TNR: variants seen among roughly 807,000 people sequenced by gnomAD.
TNR encodes tenascin-R.
Under a neutral mutation model 150.4 loss-of-function variants are expected in TNR, and 45 were observed. That is an observed-to-expected ratio of 0.30 (90% CI 0.24 to 0.38). The LOEUF (loss-of-function observed/expected upper bound fraction) is 0.38. Among genes scored for constraint, TNR ranks in the 10% least tolerant of loss-of-function variants. TNR has a pLI of 1.00. For missense variants in TNR, 1,544 were observed against 1,759.1 expected (o/e 0.88, Z 2.19); for synonymous variants, 687 against 678.4 (o/e 1.01, Z -0.20).
At chr1:175,600,111 T>C (rs1663178585) in intron 1 of TNR, among the ~76,000 whole-genome samples, 1 of 152,180 alleles carries the variant, frequency 6.6e-6, no homozygotes, top group Non-Finnish European at 1.5e-5. Context: ...GTTTTACCAC[T>C]TGTATTAGCT....
intron 1 of TNR, among the ~76,000 whole-genome samples, chr1:175,594,263 C>A (rs1450426215): frequency 6.6e-6 from 1 of 151,802 alleles, no homozygotes; most frequent in East Asian, 1.9e-4. Context: ...TTCTCTGAAT[C>A]TGTATATCAG....
intron 2 of TNR, among the ~76,000 whole-genome samples, chr1:175,435,868 A>G (rs1655486348): frequency 6.6e-6 from 1 of 152,144 alleles, no homozygotes; most frequent in Admixed American, 6.5e-5. Flanking sequence ...GCTTGTCTGT[A>G]AAGGATTTTA....
chr1:175,668,114 T>G (rs1296055665), intron 1 of TNR, among the ~76,000 whole-genome samples: 1 of 151,650 alleles, frequency 6.6e-6, no homozygotes, highest in Non-Finnish European at 1.5e-5. Flanking sequence ...ATACATACCT[T>G]TTGATGAGCT....
chr1:175,525,105 A>C (rs1659799657), intron 2 of TNR, among the ~76,000 whole-genome samples: 1 of 152,156 alleles, frequency 6.6e-6, no homozygotes, highest in Non-Finnish European at 1.5e-5. Flanking sequence ...TGCTATTCTC[A>C]TGATGGTGGG....
rs764259621 is a variant in TNR at position 175,365,898 on chromosome 1, T to C, written c.2294A>G (p.Glu765Gly). 1.2e-6 allele frequency: 2 copies of C among 1,614,078 alleles called. No individual in the cohort carries two copies. Among genetic ancestry groups the C allele is most frequent in the South Asian group, 2.2e-5 (2 of 91,056 alleles). Reference sequence around the variant, plus strand: ...ACCTGTGAAAGCATCCACAGTGGACTCCAAGCTCTGCTGCCGACCCCTCTC... The same window carrying C: ...ACCTGTGAAAGCATCCACAGTGGACCCCAAGCTCTGCTGCCGACCCCTCTC... The part of the protein sequence containing the change: ...TAERGRQQSL[E>G]STVDAFTGFR... The change falls in exon 11 of 23, where the codon GAG becomes GGG. Residue 765 changes from glutamate (E) to glycine (G), a missense_variant. This residue lies in a region of TNR where 1,254 missense variants were observed against 1,329.4 expected (regional missense o/e 0.94). Transcript: ENST00000367674.
intron 1 of TNR, among the ~76,000 whole-genome samples, chr1:175,654,721 T>C (rs1665118383): frequency 3.8e-5 from 1 of 26,438 alleles, no homozygotes; most frequent in African/African-American, 1.4e-4. Flanking sequence ...GTTCCCTTCT[T>C]TTTTTTTTTT....
intron 2 of TNR, among the ~76,000 whole-genome samples, chr1:175,431,911 A>ATCTCTC (rs545138749): frequency 1.5e-5 from 2 of 136,374 alleles, no homozygotes; most frequent in South Asian, 2.4e-4. Context: ...GGACCATAAT[A>ATCTCTC]TCTCTCTCTC....
In TNR at chr1:175,667,556, T is replaced by C. The variant is rs533026354; in HGVS notation, c.-165+75670A>G. 5.3e-5 allele frequency among the ~76,000 whole-genome samples: 8 copies of C among 152,298 alleles called. No individual in the cohort carries two copies. In the East Asian group the frequency reaches 5.8e-4, roughly 11 times the overall value. ...CTTCTTTGAGGAATTTCCAGTCTGA[T>C]TGGGGAGGCATACAAGTAAACAGGG... is the stretch of plus-strand genomic sequence containing the variant. On this transcript the variant is annotated intron_variant, in intron 1 of 22. Coordinates refer to ENST00000367674, the MANE Select transcript of TNR (RefSeq NM_003285.3).
intron 2 of TNR, among the ~76,000 whole-genome samples, chr1:175,424,983 G>C (rs903843887): frequency 6.6e-6 from 1 of 152,120 alleles, no homozygotes; most frequent in Non-Finnish European, 1.5e-5. Flanking sequence ...GACCTGGGGG[G>C]CCTGGGGAGG....
chr1:175,487,581 C>T (rs1658067736), intron 2 of TNR, among the ~76,000 whole-genome samples: 1 of 152,172 alleles, frequency 6.6e-6, no homozygotes, highest in Non-Finnish European at 1.5e-5. Flanking sequence ...AAGCTAAGCC[C>T]ATGCTTTGGA....
At chr1:175,392,568 T>A (rs73043562) in intron 6 of TNR, among the ~76,000 whole-genome samples, 3,776 of 152,328 alleles carry the variant, frequency 0.025, 156 homozygotes, top group African/African-American at 0.086. Context: ...ATTGACATGA[T>A]CGTTTCAATT....
intron 2 of TNR, among the ~76,000 whole-genome samples, chr1:175,439,793 A>G (rs1655694440): frequency 1.3e-5 from 2 of 152,264 alleles, no homozygotes; most frequent in Non-Finnish European, 1.5e-5. Context: ...ATCACTGGCC[A>G]TCAGAGAAAT....
At chr1:175,541,924 G>T (rs1660515709) in intron 1 of TNR, among the ~76,000 whole-genome samples, 1 of 152,138 alleles carries the variant, frequency 6.6e-6, no homozygotes, top group Non-Finnish European at 1.5e-5. Context: ...TACCGAGATG[G>T]CAAGTTCATA....
intron 1 of TNR, among the ~76,000 whole-genome samples, chr1:175,622,578 A>G (rs977580681): frequency 5.3e-5 from 8 of 152,142 alleles, no homozygotes; most frequent in African/African-American, 1.9e-4. Context: ...ACTCCTACGC[A>G]TGTTTAAGGC....
rs1453264493 is a variant in TNR at position 175,403,397 on chromosome 1, C to T, written c.719G>A (p.Ser240Asn). Residue 240 changes from serine (S) to asparagine (N), a missense_variant, in exon 4 of 23, where the codon AGC becomes AAC. By Grantham distance (46) the Ser-to-Asn change is conservative (BLOSUM62 1). Coordinates refer to ENST00000367674, the MANE Select transcript of TNR (RefSeq NM_003285.3). Reference sequence around the variant, plus strand: ...CCCGTCCACGCAGAGCCCCCGGGAGCTGCAGTCTGTTGGGCACCGGAGTTC... The same window carrying T: ...CCCGTCCACGCAGAGCCCCCGGGAGTTGCAGTCTGTTGGGCACCGGAGTTC... Reference protein sequence around the residue: ...CSELRCPTDCSSRGLCVDGEC... With the variant: ...CSELRCPTDCNSRGLCVDGEC... 2.5e-6 allele frequency: 4 copies of T among 1,614,214 alleles called. No individual in the cohort carries two copies. The highest frequency in any genetic ancestry group is 3.4e-6 in the Non-Finnish European group (4 of 1,180,050).
At chr1:175,548,092 T>G (rs1660782663) in intron 1 of TNR, among the ~76,000 whole-genome samples, 1 of 152,184 alleles carries the variant, frequency 6.6e-6, no homozygotes, top group Non-Finnish European at 1.5e-5. Context: ...AGCTAGGTCC[T>G]CGTTGAGTCC....
chr1:175,324,335 C>A (rs771050546), intron 22 of TNR, 21 bp downstream of exon 22: 2 of 1,609,156 alleles, frequency 1.2e-6, no homozygotes, highest in Non-Finnish European at 8.5e-7. Context: ...TCATTCATAG[C>A]AGAGGTGGAG....
At position 175,668,370 on chromosome 1, in the gene TNR, G is replaced by T. The variant is rs562809308; in HGVS notation, c.-165+74856C>A. ...TGAAGAGAGGTGTCTAAGTGTCATC[G>T]TCAGCCCCAGGCTCTGTTTCCTGCC... On this transcript the variant is annotated intron_variant, in intron 1 of 22. Transcript: ENST00000367674. 2.0e-5 allele frequency among the ~76,000 whole-genome samples: 3 copies of T among 151,406 alleles called. No individual in the cohort carries two copies. In the South Asian group the frequency reaches 6.2e-4, roughly 32 times the overall value.
At chr1:175,356,864 C>A (rs1332291729) in intron 15 of TNR, among the ~76,000 whole-genome samples, 2 of 152,198 alleles carry the variant, frequency 1.3e-5, no homozygotes, top group Non-Finnish European at 2.9e-5. Flanking sequence ...ACAGTCCTAT[C>A]TACTTTTCTC....
Sources: allele counts gnomAD v4.1 joint callset (sites outside exome capture counted in the v4.1 genomes callset), GRCh38; gene constraint gnomAD v4.1.1; regional missense constraint gnomAD v4.1.1; transcripts MANE v1.5; gene names NCBI Gene and HGNC (gene_info 2026-07-23, HGNC 2026-07-21).